Variants in FAM78B observed in about 807,000 individuals in gnomAD.
FAM78B encodes family with sequence similarity 78 member B, also known as protein FAM78B.
A neutral mutation model predicts 20.0 loss-of-function variants in FAM78B; 10 were observed. The ratio of observed to expected loss-of-function variants is 0.50; its 90% CI spans 0.31 to 0.85. The LOEUF is 0.85. FAM78B is among the 40% of genes least tolerant of loss of function. The pLI is 0.05. For synonymous variants in FAM78B, 135 were observed against 132.8 expected (o/e 1.02, Z -0.12); for missense variants, 283 against 345.0 (o/e 0.82, Z 1.42).
chr1:166,162,946 T>C (rs1272693972), intron 1 of FAM78B, among the ~76,000 whole-genome samples: 2 of 152,178 alleles, frequency 1.3e-5, no homozygotes, highest in Admixed American at 1.3e-4. Context: ...CTTGAGTCCA[T>C]TCACCTCTAG....
At chr1:166,107,705 A>C (rs1048578446) in intron 1 of FAM78B, among the ~76,000 whole-genome samples, 1 of 152,136 alleles carries the variant, frequency 6.6e-6, no homozygotes, top group Admixed American at 6.6e-5. Flanking sequence ...AAAACTACAG[A>C]CTGAATATCC....
At chr1:166,059,786 T>C (rs1571119299) in exon 3 of FAM78B, 1 of 152,144 alleles carries the variant, frequency 6.6e-6, no homozygotes, top group African/African-American at 2.4e-5. Flanking sequence ...GTGGCTGAGG[T>C]GGAGGTGTTT....
intron 1 of FAM78B, among the ~76,000 whole-genome samples, chr1:166,144,566 G>C (rs928458555): frequency 6.6e-5 from 10 of 152,130 alleles, no homozygotes; most frequent in African/African-American, 2.2e-4. Context: ...CCTCATGATG[G>C]AGCAGGAAGG....
At chr1:166,095,718 G>A (rs1653251099) in intron 1 of FAM78B, among the ~76,000 whole-genome samples, 1 of 152,130 alleles carries the variant, frequency 6.6e-6, no homozygotes, top group Non-Finnish European at 1.5e-5. Flanking sequence ...GTGATAGATA[G>A]TAAGTGCTAC....
rs187591704 is a variant in FAM78B, at chr1:166,100,364, G to T, written c.264-29601C>A. Among the ~76,000 whole-genome samples, 3 of 152,298 alleles carry T rather than the reference G, an allele frequency of 2.0e-5. No individual in the cohort carries two copies. The East Asian group carries it at 5.8e-4, about 29-fold the overall frequency. On this transcript the variant is annotated intron_variant, in intron 1 of 1. Transcript: ENST00000354422. Reference sequence around the variant, plus strand: ...GTGGGTGCAGGACAGTAGGTGCAGTGCACCTAGCATGAGCCGAAGCAGGGC... The same window carrying T: ...GTGGGTGCAGGACAGTAGGTGCAGTTCACCTAGCATGAGCCGAAGCAGGGC...
chr1:166,098,372 T>G (rs1426103730), intron 1 of FAM78B, among the ~76,000 whole-genome samples: 1 of 151,994 alleles, frequency 6.6e-6, no homozygotes, highest in East Asian at 1.9e-4. Flanking sequence ...TCATCAGCAA[T>G]TGATCCAAAC....
rs552721391 is a variant in FAM78B at position 166,138,777 on chromosome 1, T to C, written c.263+27209A>G. On this transcript the variant is annotated intron_variant, in intron 1 of 1. Coordinates refer to ENST00000354422, the MANE Select transcript of FAM78B (RefSeq NM_001017961.5). ...TCTGTTCACTAGAATGTCAACTCCA[T>C]AAAGGCAACAAGATTTTTGTCTGTT... Among the ~76,000 whole-genome samples, 4 of 152,372 alleles carry C rather than the reference T, an allele frequency of 2.6e-5. No homozygotes were observed. The South Asian group carries it at 8.3e-4, about 32-fold the overall frequency.
At chr1:166,066,475 G>A (rs1651799611), downstream of FAM78B, among the ~76,000 whole-genome samples, 1 of 152,166 alleles carries the variant, frequency 6.6e-6, no homozygotes, top group South Asian at 2.1e-4. Flanking sequence ...ATGAACAGGA[G>A]AGGCAGAACA....
intron 1 of FAM78B, among the ~76,000 whole-genome samples, chr1:166,155,545 G>C (rs1655860696): frequency 6.6e-6 from 1 of 152,174 alleles, no homozygotes; most frequent in Non-Finnish European, 1.5e-5. Context: ...AGTGTGTGCA[G>C]GTTTCTTAGC....
intron 2 of FAM78B, chr1:166,060,763 T>A (rs1651562086): frequency 5.9e-6 from 4 of 678,476 alleles, no homozygotes; most frequent in Non-Finnish European, 8.3e-6. Flanking sequence ...CTGGGCTCCA[T>A]TAATAGATTT....
At chr1:166,123,029 C>A (rs999020587) in intron 1 of FAM78B, among the ~76,000 whole-genome samples, 1 of 152,154 alleles carries the variant, frequency 6.6e-6, no homozygotes, top group Non-Finnish European at 1.5e-5. Flanking sequence ...CTAAGAAAGG[C>A]AGGAAACTAG....
At chr1:166,119,748 A>G (rs554170714) in intron 1 of FAM78B, among the ~76,000 whole-genome samples, 17 of 152,368 alleles carry the variant, frequency 1.1e-4, no homozygotes, top group Non-Finnish European at 1.8e-4. Flanking sequence ...CAGTTCTAAC[A>G]TAAGTGGTCA....
intron 1 of FAM78B, among the ~76,000 whole-genome samples, chr1:166,131,358 T>C (rs1571190975): frequency 6.6e-6 from 1 of 152,218 alleles, no homozygotes; most frequent in East Asian, 1.9e-4. Context: ...TGAGAGGCAA[T>C]GTCAGAAGCC....
intron 1 of FAM78B, among the ~76,000 whole-genome samples, chr1:166,129,588 C>G (rs1425614038): frequency 6.6e-6 from 1 of 152,158 alleles, no homozygotes; most frequent in African/African-American, 2.4e-5. Flanking sequence ...CTCCAGTGCT[C>G]GAACTTCCTG....
intron 1 of FAM78B, among the ~76,000 whole-genome samples, chr1:166,125,101 A>G (rs970010454): frequency 6.6e-6 from 1 of 152,186 alleles, no homozygotes; most frequent in African/African-American, 2.4e-5. Flanking sequence ...TCCATGCATA[A>G]CTTGATAAGG....
intron 1 of FAM78B, among the ~76,000 whole-genome samples, chr1:166,146,866 T>C (rs944690989): frequency 6.6e-6 from 1 of 152,220 alleles, no homozygotes; most frequent in African/African-American, 2.4e-5. Flanking sequence ...AAGCTTCAGA[T>C]CATTCACTTC....
intron 1 of FAM78B, among the ~76,000 whole-genome samples, chr1:166,139,937 C>G (rs79725755): frequency 2.1e-3 from 315 of 152,318 alleles, no homozygotes; most frequent in African/African-American, 7.2e-3. Context: ...AGGTGGCAGC[C>G]TCCCTACTAC....
chr1:166,110,261 GAAAAAAATATTA>G (rs1389514630), intron 1 of FAM78B, among the ~76,000 whole-genome samples: 3 of 151,280 alleles, frequency 2.0e-5, no homozygotes, highest in Non-Finnish European at 4.4e-5. Flanking sequence ...AATAACTTAA[GAAAAAAATATTA>G]AAAAAAAGAA....
chr1:166,082,026 T>C (rs1296216338), intron 1 of FAM78B, among the ~76,000 whole-genome samples: 1 of 152,194 alleles, frequency 6.6e-6, no homozygotes, highest in African/African-American at 2.4e-5. Context: ...TCCGGGACCA[T>C]GCAGGTCCTC....
Sources: gnomAD v4.1 joint callset for allele counts (sites outside exome capture counted in the v4.1 genomes callset) on GRCh38, gnomAD v4.1.1 for gene constraint, MANE v1.5 for transcripts, NCBI Gene and HGNC (gene_info 2026-07-23, HGNC 2026-07-21) for gene names.